Variants in ZDHHC7 observed in about 807,000 individuals in gnomAD.
ZDHHC7 encodes the protein palmitoyltransferase ZDHHC7.
Under a neutral mutation model 34.1 loss-of-function variants are expected in ZDHHC7, and 12 were observed. That is an observed-to-expected ratio of 0.35 (90% confidence interval 0.23 to 0.57). ZDHHC7 has a LOEUF of 0.57. Ranked by LOEUF, ZDHHC7 falls within the 20% of genes least tolerant of loss-of-function variation. The probability of loss-of-function intolerance (pLI) is 0.84; values close to 1 mark genes in which losing one functional copy is unlikely to be tolerated. For synonymous variants in ZDHHC7, 185 were observed against 155.4 expected (o/e 1.19, Z -1.42); for missense variants, 388 against 402.7 (o/e 0.96, Z 0.31).
chr16:84,987,988 T>C (rs7193768), intron 3 of ZDHHC7, among the ~76,000 whole-genome samples: 1 of 152,040 alleles, frequency 6.6e-6, no homozygotes, highest in Non-Finnish European at 1.5e-5. Context: ...GCTAACACGG[T>C]GAAACCCCGT....
chr16:85,002,488 C>G (rs1338005771), intron 1 of ZDHHC7, among the ~76,000 whole-genome samples: 1 of 152,034 alleles, frequency 6.6e-6, no homozygotes, highest in African/African-American at 2.4e-5. Flanking sequence ...CAAACAAGTC[C>G]CAAGAGAAGA....
the ZDHHC7 span, among the ~76,000 whole-genome samples, chr16:85,021,408 C>T: frequency 7.0e-4 from 42 of 59,658 alleles, no homozygotes; most frequent in African/African-American, 4.2e-3. Context: ...GAGACTCCAT[C>T]CAAAAAAAAA....
upstream of ZDHHC7, among the ~76,000 whole-genome samples, chr16:85,016,507 G>C (rs1215813412): frequency 1.3e-5 from 2 of 152,154 alleles, no homozygotes; most frequent in African/African-American, 4.8e-5. Context: ...CCAGGCTGGA[G>C]TGCAGTAGCC....
At chr16:85,004,180 G>A (rs1020021931) in intron 1 of ZDHHC7, among the ~76,000 whole-genome samples, 7 of 151,550 alleles carry the variant, frequency 4.6e-5, no homozygotes, top group South Asian at 2.1e-4. Flanking sequence ...CTCAATCAAC[G>A]GCACACCACA....
intron 1 of ZDHHC7, among the ~76,000 whole-genome samples, chr16:85,008,479 T>G (rs2072746447): frequency 1.3e-5 from 2 of 148,696 alleles, no homozygotes; most frequent in African/African-American, 2.5e-5. Context: ...CACCCAAGGG[T>G]GGTTTTGGGA....
chr16:85,020,110 A>T, the ZDHHC7 span, among the ~76,000 whole-genome samples: 2 of 152,224 alleles, frequency 1.3e-5, no homozygotes, highest in Non-Finnish European at 2.9e-5. Context: ...GAAAGAGCCC[A>T]CAATCCTAGC....
chr16:84,982,644 C>T (rs1467383831), intron 3 of ZDHHC7, among the ~76,000 whole-genome samples: 2 of 152,242 alleles, frequency 1.3e-5, no homozygotes, highest in African/African-American at 4.8e-5. Context: ...GCTAAAGTGA[C>T]ATGATACTTT....
chr16:84,995,073 C>T (rs1432335117), intron 2 of ZDHHC7, among the ~76,000 whole-genome samples: 2 of 152,128 alleles, frequency 1.3e-5, no homozygotes, highest in African/African-American at 4.8e-5. Flanking sequence ...AAGGGCACAG[C>T]CTTATTCTGC....
chr16:85,003,456 T>A lies in ZDHHC7; in HGVS notation c.-103-7449A>T, dbSNP rs566091925. 5.3e-5 allele frequency among the ~76,000 whole-genome samples: 8 copies of A among 152,364 alleles called. No homozygotes were observed. In the Middle Eastern group the frequency reaches 0.01, roughly 194 times the overall value. On this transcript the variant is annotated intron_variant, in intron 1 of 7. Transcript: ENST00000313732. ...CCCACTGCAGTGAGCTGATGGCGAC[T>A]GCGCTCCTAAGTGCTCTTGCCATCA...
At position 84,976,161 on chromosome 16, in the gene ZDHHC7, G is replaced by A; in HGVS notation, c.*182C>T. 1 of 756,870 alleles carries A rather than the reference G, an allele frequency of 1.3e-6. No individual in the cohort carries two copies. The highest frequency in any genetic ancestry group is 1.8e-5 in the South Asian group (1 of 54,202). 46.9% of individuals were successfully genotyped at this position (756,870 alleles called of 1,614,324 possible). A position where few individuals can be genotyped will look rare whatever the true frequency, so the allele number is the denominator to read the frequency against. ...ACCTTTCCGTTGTTGTACAGGTGGGGACTGAGAGCCTCTTCCTCTGCCATC... is the reference window on the plus strand; with the variant it reads ...ACCTTTCCGTTGTTGTACAGGTGGGAACTGAGAGCCTCTTCCTCTGCCATC... On this transcript the variant is annotated 3_prime_UTR_variant, in exon 8 of 8. Coordinates refer to ENST00000313732, the MANE Select transcript of ZDHHC7 (RefSeq NM_017740.3).
chr16:84,992,196 C>A (rs144923587), intron 2 of ZDHHC7, among the ~76,000 whole-genome samples: 1 of 151,146 alleles, frequency 6.6e-6, no homozygotes, highest in Non-Finnish European at 1.5e-5. Flanking sequence ...GGGTCAGGTG[C>A]GGGTGGCTCA....
chr16:84,982,091 G>A, intron 3 of ZDHHC7, 97 bp from the exon 4 acceptor site: 1 of 1,515,788 alleles, frequency 6.6e-7, no homozygotes, highest in Non-Finnish European at 9.0e-7. Context: ...CAGCACTTTG[G>A]GAGGCTGAGG....
At chr16:84,984,559 C>G (rs1245434361) in intron 3 of ZDHHC7, among the ~76,000 whole-genome samples, 1 of 152,172 alleles carries the variant, frequency 6.6e-6, no homozygotes, top group Non-Finnish European at 1.5e-5. Context: ...TGGAAAGCGG[C>G]TACCCCAACG....
At chr16:84,983,082 A>G (rs1219173452) in intron 3 of ZDHHC7, among the ~76,000 whole-genome samples, 2 of 152,230 alleles carry the variant, frequency 1.3e-5, no homozygotes, top group South Asian at 2.1e-4. Flanking sequence ...GGGGGTTCCA[A>G]TGCCTCAAGA....
chr16:85,015,455 T>C (rs1037636265), upstream of ZDHHC7, among the ~76,000 whole-genome samples: 1 of 152,132 alleles, frequency 6.6e-6, no homozygotes, highest in Non-Finnish European at 1.5e-5. Context: ...AATTATCTCC[T>C]GGATCAAGAA....
At chr16:84,997,087 G>C (rs958102600) in intron 1 of ZDHHC7, among the ~76,000 whole-genome samples, 6 of 151,818 alleles carry the variant, frequency 4.0e-5, no homozygotes, top group Admixed American at 2.0e-4. Context: ...AGAAATGAAG[G>C]GTAAGAGTCC....
rs540335984 is a variant in ZDHHC7 at position 85,003,925 on chromosome 16, C to G, written c.-104+7361G>C. Among the ~76,000 whole-genome samples the G allele has an allele frequency of 1.1e-4, 16 of 152,276 alleles. No individual in the cohort carries two copies. The East Asian group carries it at 3.1e-3, about 29-fold the overall frequency. On this transcript the variant is annotated intron_variant, in intron 1 of 7. Coordinates refer to ENST00000313732, the MANE Select transcript of ZDHHC7 (RefSeq NM_017740.3). ...TCTCTGACTGGATACTTCTCCTCCA[C>G]CCATGTAAACGCCGGGAGCACCCGG...
At chr16:85,027,581 G>T in the ZDHHC7 span, among the ~76,000 whole-genome samples, 31,970 of 152,198 alleles carry the variant, frequency 0.21, 3,487 homozygotes, top group Middle Eastern at 0.25. Context: ...AGGGGGCGCC[G>T]GGCGTACCCG....
the ZDHHC7 span, among the ~76,000 whole-genome samples, chr16:85,024,049 C>G: frequency 6.6e-6 from 1 of 151,854 alleles, no homozygotes; most frequent in Non-Finnish European, 1.5e-5. Flanking sequence ...TCCCAAGTAG[C>G]TGAGATTTCA....
Sources: allele counts gnomAD v4.1 joint callset (sites outside exome capture counted in the v4.1 genomes callset), GRCh38; gene constraint gnomAD v4.1.1; transcripts MANE v1.5; gene names NCBI Gene and HGNC (gene_info 2026-07-23, HGNC 2026-07-21).